Variants in ZBED1 observed in about 807,000 individuals in gnomAD.
The protein encoded by ZBED1 is E3 SUMO-protein ligase ZBED1.
In ZBED1, 19 loss-of-function variants were observed where a neutral mutation model predicts 49.7. The ratio of observed to expected loss-of-function variants is 0.38; its 90% CI spans 0.27 to 0.56. The LOEUF is 0.56. Ranked by LOEUF, ZBED1 falls within the 20% of genes least tolerant of loss-of-function variation. The pLI is 0.70. For missense variants in ZBED1, 806 were observed against 972.6 expected (o/e 0.83, Z 2.28); for synonymous variants, 439 against 440.3 (o/e 1.00, Z 0.04).
chrX:2,490,043 A>C lies in ZBED1; in HGVS notation c.677T>G (p.Leu226Arg). 1 of 1,613,788 alleles carries C rather than the reference A, an allele frequency of 6.2e-7. No individual in the cohort carries two copies. Among genetic ancestry groups the C allele is most frequent in the Non-Finnish European group, 8.5e-7 (1 of 1,179,854 alleles). Reference protein sequence around the residue: ...HFLGLGAPNCLSMGSRCLKTF... With the variant: ...HFLGLGAPNCRSMGSRCLKTF... ...CTTCAGGCAGCGGGAGCCCATGGAC[A>C]GGCAGTTGGGGGCGCCCAGGCCCAG... Residue 226 changes from leucine to arginine, a missense_variant, in exon 2 of 2, where the codon CTG becomes CGG. Physicochemically the swap from Leu to Arg is moderately radical, Grantham distance 102 (BLOSUM62 -2). Coordinates refer to ENST00000652001, the MANE Select transcript of ZBED1 (RefSeq NM_001171136.2).
At position 2,490,257 on chromosome X, in the gene ZBED1, T is replaced by A; in HGVS notation, c.463A>T (p.Thr155Ser). The A allele has an allele frequency of 6.2e-7, 1 of 1,613,652 alleles. No individual in the cohort carries two copies. Among genetic ancestry groups the A allele is most frequent in the Non-Finnish European group, 8.5e-7 (1 of 1,179,812 alleles). Residue 155 changes from threonine (T) to serine (S), a missense_variant, in exon 2 of 2, where the codon ACG becomes TCG. Thr to Ser is a moderately conservative substitution (Grantham distance 58, BLOSUM62 1). Coordinates refer to ENST00000652001, the MANE Select transcript of ZBED1 (RefSeq NM_001171136.2). ...DEPTFKVLLK[T>S]ADPRYELPSR... Reference sequence around the variant, plus strand: ...GGCAGCTCATACCGGGGGTCGGCCGTCTTCAGCAGCACCTTGAAGGTGGGC... The same window carrying A: ...GGCAGCTCATACCGGGGGTCGGCCGACTTCAGCAGCACCTTGAAGGTGGGC...
intron 1 of ZBED1, among the ~76,000 whole-genome samples, chrX:2,496,690 T>C (rs2045292855): frequency 6.6e-6 from 1 of 151,800 alleles, no homozygotes; most frequent in African/African-American, 2.4e-5. Context: ...AAAGGAAAAA[T>C]AGCGGGTGAT....
intron 1 of ZBED1, chrX:2,500,555 C>A: frequency 5.9e-6 from 1 of 170,388 alleles, no homozygotes; most frequent in Non-Finnish European, 1.2e-5. Context: ...GCCACACGCG[C>A]GGGGAGGGAA....
intron 1 of ZBED1, 123 bp from the exon 2 acceptor site, chrX:2,490,895 C>G: frequency 3.7e-6 from 3 of 815,232 alleles, no homozygotes; most frequent in Non-Finnish European, 5.8e-6. Flanking sequence ...TGGGGCCGGA[C>G]GGCTGGACCT....
In ZBED1 at chrX:2,490,014, A is replaced by G. The variant is rs1457672005; in HGVS notation, c.706T>C (p.Phe236Leu). ...LSMGSRCLKTFEVPEENTAET... is the reference protein window; with the variant it reads ...LSMGSRCLKTLEVPEENTAET... ...GCCGTGTTCTCTTCGGGCACCTCGA[A>G]GGTCTTCAGGCAGCGGGAGCCCATG... Residue 236 changes from phenylalanine (F) to leucine (L), a missense_variant, in exon 2 of 2, where the codon TTC (phenylalanine) becomes CTC (leucine). Physicochemically the swap from Phe to Leu is conservative, Grantham distance 22 (BLOSUM62 0). Coordinates refer to ENST00000652001, the MANE Select transcript of ZBED1 (RefSeq NM_001171136.2). 1 of 1,613,732 alleles carries G rather than the reference A, an allele frequency of 6.2e-7. No homozygotes were observed. Among genetic ancestry groups the G allele is most frequent in the African/African-American group, 1.3e-5 (1 of 74,930 alleles).
At position 2,490,367 on chromosome X, in the gene ZBED1, T is replaced by C; in HGVS notation, c.353A>G (p.Tyr118Cys). The C allele has an allele frequency of 1.2e-6, 2 of 1,613,530 alleles. No individual in the cohort carries two copies. The highest frequency in any genetic ancestry group is 8.5e-7 in the Non-Finnish European group (1 of 1,179,806). ...DALAVKAGHG[Y>C]DSKKQQELTA... ...CAGCTCCTGCTGCTTCTTGCTGTCG[T>C]AGCCGTGGCCGGCCTTGACGGCCAG... Residue 118 changes from tyrosine (Y) to cysteine (C), a missense_variant, in exon 2 of 2, where the codon TAC becomes TGC. Transcript: ENST00000652001.
Position 2,489,935 on chromosome X carries a change from G to T in ZBED1, c.785C>A (p.Ala262Asp), listed in dbSNP as rs755770826. The change falls in exon 2 of 2, where the codon GCC becomes GAC. Residue 262 changes from alanine (A) to aspartate (D), a missense_variant. By Grantham distance (126) the Ala-to-Asp change is moderately radical. Transcript: ENST00000652001. ...YEVFIEWGISAKVFGATTNYG... is the reference protein window; with the variant it reads ...YEVFIEWGISDKVFGATTNYG... Reference sequence around the variant, plus strand: ...GTTGGTGGTGGCCCCGAAGACCTTGGCGCTGATGCCCCACTCGATGAAGAC... The same window carrying T: ...GTTGGTGGTGGCCCCGAAGACCTTGTCGCTGATGCCCCACTCGATGAAGAC... 1 of 1,613,884 alleles carries T rather than the reference G, an allele frequency of 6.2e-7. No individual in the cohort carries two copies. Among genetic ancestry groups the T allele is most frequent in the South Asian group, 1.1e-5 (1 of 91,076 alleles).
At position 2,495,337 on chromosome X, in the gene ZBED1, A is replaced by T. The variant is rs1255167360; in HGVS notation, c.-53-4565T>A. 6.6e-5 allele frequency among the ~76,000 whole-genome samples: 10 copies of T among 151,892 alleles called. No homozygotes were observed. In the East Asian group the frequency reaches 1.9e-3, roughly 29 times the overall value. On this transcript the variant is annotated intron_variant, in intron 1 of 1. Transcript: ENST00000652001. ...GCTGAAAGACGCCCCAGTACCATGA[A>T]CAAAGGTTTATATTCTATTATTATT...
chrX:2,490,787 G>A lies in ZBED1; in HGVS notation c.-53-15C>T. On this transcript the variant is annotated splice_polypyrimidine_tract_variant and intron_variant, in intron 1 of 1. Coordinates refer to ENST00000652001, the MANE Select transcript of ZBED1 (RefSeq NM_001171136.2). Reference sequence around the variant, plus strand: ...GTGGGGACCTGCTGAGAAGGGCCAAGACAAACACAGCATGAGAAGGGACCC... The same window carrying A: ...GTGGGGACCTGCTGAGAAGGGCCAAAACAAACACAGCATGAGAAGGGACCC... 1 of 1,556,512 alleles carries A rather than the reference G, an allele frequency of 6.4e-7. No homozygotes were observed. The highest frequency in any genetic ancestry group is 8.7e-7 in the Non-Finnish European group (1 of 1,151,284).
Position 2,488,908 on chromosome X carries a change from C to T in ZBED1, c.1812G>A (p.Val604=), listed in dbSNP as rs1204450473. The change falls in exon 2 of 2, where the codon GTG becomes GTA. Residue 604 remains valine (V), a synonymous_variant. Transcript: ENST00000652001. ...CCGTCACGCACCAGTACTTCTGCAG[C>T]ACCTTGGGCAGCAGGGGGAAGAGGG... ...RLALFPLLPK[V]LQKYWCVTAT... is the part of the protein sequence containing the mutation. 2 of 1,605,690 alleles carry T rather than the reference C, an allele frequency of 1.2e-6. No individual in the cohort carries two copies. Among genetic ancestry groups the T allele is most frequent in the South Asian group, 1.1e-5 (1 of 89,932 alleles).
Position 2,500,950 on chromosome X carries a change from G to GCCC in ZBED1, c.-188_-187insGGG. 9.8e-7 allele frequency: 1 copy of GCCC among 1,025,524 alleles called. No homozygotes were observed. Among genetic ancestry groups the GCCC allele is most frequent in the Non-Finnish European group, 1.2e-6 (1 of 855,244 alleles). 63.5% of individuals were successfully genotyped at this position (1,025,524 alleles called of 1,614,324 possible). On this transcript the variant is annotated 5_prime_UTR_variant, in exon 1 of 2. Transcript: ENST00000652001. Reference sequence around the variant, plus strand: ...TGGCTGCCCCGGCCGCGCCGCCGCCGCTTCCGCGCCGCCCGCGGGACTCTG... The same window carrying GCCC: ...TGGCTGCCCCGGCCGCGCCGCCGCCGCCCCTTCCGCGCCGCCCGCGGGACTCTG...
chrX:2,488,440 G>T lies in ZBED1; in HGVS notation c.*195C>A. 1 of 676,100 alleles carries T rather than the reference G, an allele frequency of 1.5e-6. No individual in the cohort carries two copies. Among genetic ancestry groups the T allele is most frequent in the Non-Finnish European group, 2.3e-6 (1 of 429,566 alleles). 41.9% of individuals were successfully genotyped at this position (676,100 alleles called of 1,614,324 possible). On this transcript the variant is annotated 3_prime_UTR_variant, in exon 2 of 2. Transcript: ENST00000652001. ...TCTGCCCACCTCGGCCTCCCAAAGT[G>T]CTGCGATTATAGACAGGAGCCACCG...
chrX:2,486,546 C>G lies in ZBED1; in HGVS notation c.*2089G>C, dbSNP rs1172983312. The G allele has an allele frequency of 6.6e-6, 1 of 152,192 alleles. No individual in the cohort carries two copies. 9.4% of individuals were successfully genotyped at this position (152,192 alleles called of 1,614,324 possible). ...AATAAAAATGAAGACAGAGCCGGGA[C>G]AGTTCACATTTCCACGTGAGTGAGG... On this transcript the variant is annotated 3_prime_UTR_variant, in exon 2 of 2. Coordinates refer to ENST00000652001, the MANE Select transcript of ZBED1 (RefSeq NM_001171136.2).
At chrX:2,493,996 AAGAT>A (rs1334564640) in intron 1 of ZBED1, among the ~76,000 whole-genome samples, 2 of 151,712 alleles carry the variant, frequency 1.3e-5, no homozygotes, top group Non-Finnish European at 2.9e-5. Flanking sequence ...AACAAAAAAA[AAGAT>A]ATATATGCTA....
rs144504301 is a variant in ZBED1 at position 2,489,238 on chromosome X, C to T, written c.1482G>A (p.Glu494=). The stretch of plus-strand genomic sequence containing the variant: ...CCTTGGCCTCTTCCACCACGCGATT[C>T]TCCACCTGCTGCCGCTCGAAGGCGG... ...FLSAFERQQV[E]NRVVEEAKGL... is the part of the protein sequence containing the mutation. The change falls in exon 2 of 2, where the codon GAG becomes GAA. Residue 494 remains glutamate (E), a synonymous_variant. Transcript: ENST00000652001. 5.6e-6 allele frequency: 9 copies of T among 1,613,994 alleles called. No homozygotes were observed. Among genetic ancestry groups the T allele is most frequent in the African/African-American group, 4.0e-5 (3 of 75,068 alleles).
intron 1 of ZBED1, 163 bp downstream of exon 1, chrX:2,500,654 G>GCCCCCCCCCCCCCCCCCCCCCCCC (rs546772121): frequency 7.9e-6 from 1 of 126,688 alleles, no homozygotes; most frequent in Non-Finnish European, 1.7e-5. Context: ...CGCGCACGCC[G>GCCCCCCCCCCCCCCCCCCCCCCCC]CCCCCCCCCC....
Position 2,488,861 on chromosome X carries a change from C to G in ZBED1, c.1859G>C (p.Arg620Pro), listed in dbSNP as rs143351418. 2.5e-6 allele frequency: 4 copies of G among 1,613,234 alleles called. No homozygotes were observed. The South Asian group carries it at 4.4e-5, about 18-fold the overall frequency. ...CVTATRVAPERLFGSAANVVS... is the reference protein window; with the variant it reads ...CVTATRVAPEPLFGSAANVVS... ...CACGTTGGCGGCGGATCCGAAGAGA[C>G]GCTCAGGGGCGACGCGCGTGGCCGT... Residue 620 changes from arginine (R) to proline (P), a missense_variant, in exon 2 of 2, where the codon CGT becomes CCT. Coordinates refer to ENST00000652001, the MANE Select transcript of ZBED1 (RefSeq NM_001171136.2).
At chrX:2,492,731 C>G (rs1377387718) in intron 1 of ZBED1, among the ~76,000 whole-genome samples, 8 of 152,166 alleles carry the variant, frequency 5.3e-5, no homozygotes, top group African/African-American at 1.9e-4. Flanking sequence ...CCAGGAGCCC[C>G]CAGGAGCTGG....
chrX:2,499,664 T>TG (rs1439239682), intron 1 of ZBED1, among the ~76,000 whole-genome samples: 2 of 152,156 alleles, frequency 1.3e-5, no homozygotes, highest in African/African-American at 2.4e-5. Context: ...CCCAGCACTT[T>TG]GGGGGACCCA....
Sources: gnomAD v4.1 joint callset for allele counts (sites outside exome capture counted in the v4.1 genomes callset) on GRCh38, gnomAD v4.1.1 for gene constraint, MANE v1.5 for transcripts, NCBI Gene and HGNC (gene_info 2026-07-23, HGNC 2026-07-21) for gene names.